The following ESRRG variants were observed in gnomAD, a reference collection of about 807,000 sequenced individuals.
ESRRG encodes the protein estrogen related receptor gamma.
In ESRRG, 13 loss-of-function variants were observed where a neutral mutation model predicts 44.0. The ratio of observed to expected loss-of-function variants is 0.30; its 90% CI spans 0.19 to 0.47. The LOEUF (loss-of-function observed/expected upper bound fraction) is 0.47. Ranked by LOEUF, ESRRG falls within the 20% of genes least tolerant of loss-of-function variation. The pLI is 1.00. For synonymous variants in ESRRG, 215 were observed against 214.6 expected (o/e 1.00, Z -0.02); for missense variants, 395 against 580.6 (o/e 0.68, Z 3.29).
Position 216,769,761 on chromosome 1 carries a change from CTGAT to C in ESRRG, c.-13-92274_-13-92271del, listed in dbSNP as rs760856613. The stretch of plus-strand genomic sequence containing the variant: ...CAAATTGTCAGGAATTTTCAAGTGA[CTGAT>C]AATAGAGGTTTATAAACATTGAATT... On this transcript the variant is annotated intron_variant, in intron 2 of 7. Transcript: ENST00000359162. Among the ~76,000 whole-genome samples the C allele has an allele frequency of 7.2e-5, 11 of 152,104 alleles. No homozygotes were observed. The East Asian group carries it at 2.1e-3, about 30-fold the overall frequency.
intron 2 of ESRRG, among the ~76,000 whole-genome samples, chr1:216,808,704 AT>A (rs2094876155): frequency 6.6e-6 from 1 of 152,160 alleles, no homozygotes; most frequent in Non-Finnish European, 1.5e-5. Context: ...GATTACAGAC[AT>A]GAACCACCAT....
At chr1:216,606,324 C>T (rs1162783398) in intron 3 of ESRRG, among the ~76,000 whole-genome samples, 3 of 152,158 alleles carry the variant, frequency 2.0e-5, no homozygotes, top group Non-Finnish European at 2.9e-5. Flanking sequence ...CCAACTCAGA[C>T]GTGGTAGTAA....
intron 1 of ESRRG, among the ~76,000 whole-genome samples, chr1:217,035,436 G>T (rs1455851539): frequency 6.6e-6 from 1 of 151,768 alleles, no homozygotes; most frequent in African/African-American, 2.4e-5. Context: ...AGAAATTGAG[G>T]AATGAGACCA....
chr1:217,124,954 C>G (rs2092869599), intron 1 of ESRRG, among the ~76,000 whole-genome samples: 1 of 152,156 alleles, frequency 6.6e-6, no homozygotes, highest in South Asian at 2.1e-4. Flanking sequence ...CCTCAGAATT[C>G]CTGAAGGATG....
intron 1 of ESRRG, among the ~76,000 whole-genome samples, chr1:217,014,477 A>G (rs988197970): frequency 2.6e-5 from 4 of 152,146 alleles, no homozygotes; most frequent in Admixed American, 2.6e-4. Flanking sequence ...TTTTTTCTTT[A>G]AAACAAGTGC....
At chr1:217,104,275 T>A (rs1410142258) in intron 1 of ESRRG, among the ~76,000 whole-genome samples, 1 of 152,208 alleles carries the variant, frequency 6.6e-6, no homozygotes, top group African/African-American at 2.4e-5. Flanking sequence ...ACAGCGCTGG[T>A]ACCTACTGAG....
chr1:216,669,406 A>G (rs924299842), intron 2 of ESRRG, among the ~76,000 whole-genome samples: 3 of 152,228 alleles, frequency 2.0e-5, no homozygotes, highest in Non-Finnish European at 4.4e-5. Flanking sequence ...GTACTTCTTC[A>G]CCAAAAAAGA....
chr1:216,865,707 C>A (rs2096144207), intron 2 of ESRRG, among the ~76,000 whole-genome samples: 1 of 152,138 alleles, frequency 6.6e-6, no homozygotes, highest in African/African-American at 2.4e-5. Flanking sequence ...TTTACTTTCA[C>A]CCCTTGACTA....
At chr1:216,736,072 CAG>C (rs1491253677) in intron 2 of ESRRG, among the ~76,000 whole-genome samples, 2 of 149,478 alleles carry the variant, frequency 1.3e-5, no homozygotes, top group East Asian at 2.0e-4. Context: ...AAGATGAGAA[CAG>C]GGGGGGAGTT....
chr1:217,051,216 G>GGC (rs1333212428), intron 1 of ESRRG, among the ~76,000 whole-genome samples: 1 of 116,624 alleles, frequency 8.6e-6, no homozygotes. Context: ...GGGGGGGGGG[G>GGC]TGCCAGGGGA....
At chr1:217,109,103 C>T (rs1161101672) in intron 1 of ESRRG, among the ~76,000 whole-genome samples, 1 of 152,112 alleles carries the variant, frequency 6.6e-6, no homozygotes, top group Non-Finnish European at 1.5e-5. Context: ...AAGGGCTTTA[C>T]CCATCTGAGG....
chr1:216,792,971 CT>C (rs1559657220), intron 2 of ESRRG, among the ~76,000 whole-genome samples: 3 of 152,122 alleles, frequency 2.0e-5, no homozygotes, highest in African/African-American at 7.2e-5. Flanking sequence ...AAATCCCTTT[CT>C]TTGTAAAATC....
intron 1 of ESRRG, among the ~76,000 whole-genome samples, chr1:217,074,257 C>T (rs1313007582): frequency 6.6e-6 from 1 of 151,762 alleles, no homozygotes; most frequent in Non-Finnish European, 1.5e-5. Context: ...CCATATTGGC[C>T]CGGCCAGTCT....
chr1:217,075,300 A>G (rs1254781198), intron 1 of ESRRG, among the ~76,000 whole-genome samples: 1 of 152,174 alleles, frequency 6.6e-6, no homozygotes, highest in Non-Finnish European at 1.5e-5. Context: ...TTCAGCCAAC[A>G]TTGGTATACA....
At chr1:216,579,739 T>C (rs2062375483) in intron 3 of ESRRG, among the ~76,000 whole-genome samples, 3 of 152,134 alleles carry the variant, frequency 2.0e-5, no homozygotes, top group Admixed American at 6.5e-5. Flanking sequence ...TAAATTCTAG[T>C]GTGTGCCAAG....
intron 1 of ESRRG, among the ~76,000 whole-genome samples, chr1:217,031,078 C>G (rs2081996358): frequency 6.6e-6 from 1 of 152,160 alleles, no homozygotes; most frequent in Non-Finnish European, 1.5e-5. Flanking sequence ...CAGGCCAAAT[C>G]TAGTCAATGG....
chr1:217,039,768 A>G (rs765397674), intron 1 of ESRRG, among the ~76,000 whole-genome samples: 1 of 152,012 alleles, frequency 6.6e-6, no homozygotes, highest in African/African-American at 2.4e-5. Flanking sequence ...TGTTTTTACA[A>G]CCTTTTGATA....
chr1:216,950,038 C>T (rs1375684527), intron 1 of ESRRG, among the ~76,000 whole-genome samples: 5 of 151,656 alleles, frequency 3.3e-5, no homozygotes, highest in African/African-American at 1.2e-4. Flanking sequence ...GTCTTGAACT[C>T]CTGACCTCAG....
rs1028599141 is a variant in ESRRG at position 217,053,465 on chromosome 1, A to AAAAAG, written c.-106+36041_-106+36042insCTTTT. Among the ~76,000 whole-genome samples the AAAAAG allele has an allele frequency of 2.1e-5, 3 of 145,514 alleles. 1 individual carries two copies. In the South Asian group the frequency reaches 6.7e-4, roughly 33 times the overall value. ...GTGAGATTCTGTCCCAAAGCCAAAA[A>AAAAAG]AAAGAAAGAAAGAAAGAAAGAAAGA... On this transcript the variant is annotated intron_variant, in intron 1 of 7. Transcript: ENST00000359162.
Sources: allele counts gnomAD v4.1 joint callset (sites outside exome capture counted in the v4.1 genomes callset), GRCh38; gene constraint gnomAD v4.1.1; transcripts MANE v1.5; gene names NCBI Gene and HGNC (gene_info 2026-07-23, HGNC 2026-07-21).